The following OGFR variants were observed in gnomAD, a reference collection of about 807,000 sequenced individuals.
OGFR encodes the protein protein 7-60.
In OGFR, 18 loss-of-function variants were observed where a neutral mutation model predicts 33.6. The ratio of observed to expected loss-of-function variants is 0.54; its 90% CI spans 0.37 to 0.80. OGFR has a LOEUF of 0.80. Ranked by LOEUF, OGFR falls within the 30% of genes least tolerant of loss-of-function variation. OGFR has a pLI of 0.00. For missense variants in OGFR, 877 were observed against 955.8 expected (o/e 0.92, Z 1.09); for synonymous variants, 370 against 400.7 (o/e 0.92, Z 0.91).
rs1990790953 is a variant in OGFR at position 62,813,358 on chromosome 20, C to T, written c.1743C>T (p.Thr581=). ...AGCCAGCCGAGAGCCCATCGGAGAC[C>T]CCAGGCCCCAGCCCGGCAGGACCTA... ...GDEPAESPSE[T]PGPSPAGPTR... Residue 581 remains threonine (T), a synonymous_variant, in exon 7 of 7, where the codon ACC becomes ACT. Coordinates refer to ENST00000290291, the MANE Select transcript of OGFR (RefSeq NM_007346.4). The T allele has an allele frequency of 6.5e-7, 1 of 1,545,734 alleles. No individual in the cohort carries two copies. The highest frequency in any genetic ancestry group is 8.6e-7 in the Non-Finnish European group (1 of 1,157,994).
Position 62,811,626 on chromosome 20 carries a change from T to TTGCCCCCCC in OGFR, c.614+16_614+17insTGCCCCCCC. On this transcript the variant is annotated intron_variant, in intron 6 of 6. Transcript: ENST00000290291. ...ACCTGAACTGGTGAGGCCCGGCTGC[T>TTGCCCCCCC]CCCGCCCACCCCCACCCCGGCGCAG... 3 of 1,502,516 alleles carry TTGCCCCCCC rather than the reference T, an allele frequency of 2.0e-6. No homozygotes were observed. The highest frequency in any genetic ancestry group is 2.5e-5 in the East Asian group (1 of 39,732). The allele number at this position is 1,502,516 out of a possible 1,614,324, so 93.1% of individuals were successfully genotyped here.
intron 1 of OGFR, 126 bp downstream of exon 1, chr20:62,805,156 G>A: frequency 2.9e-6 from 2 of 691,658 alleles, no homozygotes; most frequent in Non-Finnish European, 4.0e-6. Flanking sequence ...CAGCCCCGGG[G>A]ACCCCCCCCC....
At chr20:62,809,777 C>T in intron 4 of OGFR, 114 bp downstream of exon 4, 2 of 817,514 alleles carry the variant, frequency 2.4e-6, no homozygotes, top group Non-Finnish European at 2.1e-6. Context: ...ACTCCCTGCC[C>T]TTCCTGGAAG....
chr20:62,812,815 CCCTCAGAGTG>C lies in OGFR; in HGVS notation c.1209_1218del (p.Ser403ArgfsTer7), dbSNP rs1316692525. 4.3e-6 allele frequency: 7 copies of C among 1,612,698 alleles called. No individual in the cohort carries two copies. Among genetic ancestry groups the C allele is most frequent in the Non-Finnish European group, 5.9e-6 (7 of 1,179,898 alleles). ...GGGAGCAGCCGCCCACAGAGCCAGG[CCCTCAGAGTG>C]CCTCAGAGGTGGAGAAGATCGCTCT... On this transcript the variant is annotated frameshift_variant, in exon 7 of 7. Coordinates refer to ENST00000290291, the MANE Select transcript of OGFR (RefSeq NM_007346.4). LOFTEE classifies it low-confidence loss of function (END_TRUNC).
chr20:62,808,010 G>A, intron 2 of OGFR: 1 of 613,688 alleles, frequency 1.6e-6, no homozygotes. Flanking sequence ...AGGGTGCTGA[G>A]GAGGGGACCT....
At position 62,812,511 on chromosome 20, in the gene OGFR, C is replaced by G; in HGVS notation, c.896C>G (p.Ser299Cys). 1 of 1,585,272 alleles carries G rather than the reference C, an allele frequency of 6.3e-7. No homozygotes were observed. Residue 299 changes from serine (S) to cysteine (C), a missense_variant, in exon 7 of 7, where the codon TCT becomes TGT. By Grantham distance (112) the Ser-to-Cys change is moderately radical. This residue lies in a region of OGFR where 760 missense variants were observed against 736.0 expected (regional missense o/e 1.03). Transcript: ENST00000290291. Reference sequence around the variant, plus strand: ...AAGCTGCGGAGGTTCAAGCCCAGCTCTCTGCCCCATCCGCTCGAGGGCTCC... The same window carrying G: ...AAGCTGCGGAGGTTCAAGCCCAGCTGTCTGCCCCATCCGCTCGAGGGCTCC... ...QDKLRRFKPS[S>C]LPHPLEGSRK... is the part of the protein sequence containing the mutation.
intron 5 of OGFR, among the ~76,000 whole-genome samples, chr20:62,810,778 G>A (rs1020756473): frequency 3.3e-5 from 5 of 152,254 alleles, no homozygotes; most frequent in East Asian, 1.9e-4. Flanking sequence ...CTCAATTTCC[G>A]AGGCTGTTTG....
chr20:62,812,449 C>A lies in OGFR; in HGVS notation c.834C>A (p.Phe278Leu). The A allele has an allele frequency of 6.3e-7, 1 of 1,580,294 alleles. No homozygotes were observed. Residue 278 changes from phenylalanine to leucine, a missense_variant, in exon 7 of 7, where the codon TTC (phenylalanine) becomes TTA (leucine). This residue lies in a region of OGFR where 760 missense variants were observed against 736.0 expected (regional missense o/e 1.03). Transcript: ENST00000290291. Reference sequence around the variant, plus strand: ...TGGTGCACTTCGCCTGGGAGCACTTCCGGCCCCGCTGCAAGTTCGTCTGGG... The same window carrying A: ...TGGTGCACTTCGCCTGGGAGCACTTACGGCCCCGCTGCAAGTTCGTCTGGG... ...RQLVHFAWEH[F>L]RPRCKFVWGP...
chr20:62,810,674 A>AG lies in OGFR; in HGVS notation c.465+113dup, dbSNP rs1491541954. The AG allele has an allele frequency of 1.2e-5, 12 of 1,016,386 alleles. No individual in the cohort carries two copies. The Admixed American group carries it at 2.3e-4, about 20-fold the overall frequency. 63.0% of individuals were successfully genotyped at this position (1,016,386 alleles called of 1,614,324 possible). A position where few individuals can be genotyped will look rare whatever the true frequency, so the allele number is the denominator to read the frequency against. On this transcript the variant is annotated intron_variant, in intron 5 of 6. Transcript: ENST00000290291. ...GGCAGTAGGCATTTGGTGCCCCCTC[A>AG]GGGGTCCCTTGGAAGGCAGAAGGGC...
chr20:62,806,358 C>G (rs1473818363), intron 1 of OGFR: 2 of 152,212 alleles, frequency 1.3e-5, no homozygotes, highest in Non-Finnish European at 2.9e-5. Context: ...GCCTGGCCAA[C>G]ATGGTGAAAC....
chr20:62,804,957 C>A lies in OGFR; in HGVS notation c.98C>A (p.Ala33Glu). 6.7e-7 allele frequency: 1 copy of A among 1,490,548 alleles called. No individual in the cohort carries two copies. The highest frequency in any genetic ancestry group is 8.9e-7 in the Non-Finnish European group (1 of 1,120,682). The allele number at this position is 1,490,548 out of a possible 1,614,324, so 92.3% of individuals were successfully genotyped here. ...EDCEDGEAAG[A>E]RDADAGDEDE... The stretch of plus-strand genomic sequence containing the variant: ...TGCGAGGACGGCGAGGCCGCCGGCG[C>A]GAGGGACGCGGACGCAGGGGACGAG... The change falls in exon 1 of 7, where the codon GCG becomes GAG. Residue 33 changes from alanine to glutamate, a missense_variant. Around this residue, in one of 3 missense-constraint regions of OGFR, gnomAD observed 760 missense variants for 736.0 expected, o/e 1.03. Transcript: ENST00000290291.
chr20:62,813,062 G>A lies in OGFR; in HGVS notation c.1447G>A (p.Gly483Arg), dbSNP rs375174582. 78 of 1,582,302 alleles carry A rather than the reference G, an allele frequency of 4.9e-5. No homozygotes were observed. The highest frequency in any genetic ancestry group is 5.5e-5 in the Non-Finnish European group (64 of 1,164,246). Reference sequence around the variant, plus strand: ...TGGTGCCCAGACCTTGGCCCTTGCCGGGTCCCCTGCCCCATCGGGGCACCC... The same window carrying A: ...TGGTGCCCAGACCTTGGCCCTTGCCAGGTCCCCTGCCCCATCGGGGCACCC... ...SGGAQTLALA[G>R]SPAPSGHPKA... The change falls in exon 7 of 7, where the codon GGG becomes AGG. Residue 483 changes from glycine to arginine, a missense_variant. Gly to Arg is a moderately radical substitution (Grantham distance 125, BLOSUM62 -2). Transcript: ENST00000290291.
chr20:62,807,916 C>T, intron 2 of OGFR: 2 of 599,002 alleles, frequency 3.3e-6, no homozygotes, highest in South Asian at 2.0e-5. Context: ...GCACCCCACC[C>T]CCATGCCAGC....
At position 62,812,316 on chromosome 20, in the gene OGFR, G is replaced by T. The variant is rs373512647; in HGVS notation, c.701G>T (p.Arg234Leu). 1 of 1,558,742 alleles carries T rather than the reference G, an allele frequency of 6.4e-7. No individual in the cohort carries two copies. Among genetic ancestry groups the T allele is most frequent in the Non-Finnish European group, 8.7e-7 (1 of 1,151,762 alleles). The change falls in exon 7 of 7, where the codon CGC becomes CTC. Residue 234 changes from arginine to leucine, a missense_variant. By Grantham distance (102) the Arg-to-Leu change is moderately radical. Transcript: ENST00000290291. ...GLEHFQAPLV[R>L]FFLEETLVRR... ...GAGCACTTCCAGGCGCCGCTGGTCC[G>T]CTTCTTCCTGGAGGAGACGCTGGTG...
chr20:62,808,601 ACTC>A (rs903551386), intron 3 of OGFR, among the ~76,000 whole-genome samples: 2 of 152,024 alleles, frequency 1.3e-5, no homozygotes, highest in African/African-American at 4.8e-5. Context: ...AAACTACTGA[ACTC>A]CTGCACGACC....
chr20:62,807,553 C>T lies in OGFR; in HGVS notation c.188C>T (p.Ser63Phe), dbSNP rs1482936444. The change falls in exon 2 of 7, where the codon TCC (serine) becomes TTC (phenylalanine). Residue 63 changes from serine (S) to phenylalanine (F), a missense_variant. By Grantham distance (155) the Ser-to-Phe change is radical. Transcript: ENST00000290291. The part of the protein sequence containing the change: ...PSSFQSRMTG[S>F]RNWRATRDMC... ...TCTTCCCAGTCCAGAATGACAGGGT[C>T]CAGAAACTGGCGAGCCACGAGGGAC... 2 of 1,612,754 alleles carry T rather than the reference C, an allele frequency of 1.2e-6. No individual in the cohort carries two copies. The highest frequency in any genetic ancestry group is 1.7e-5 in the Admixed American group (1 of 59,970).
chr20:62,812,194 C>T (rs1181245782), intron 6 of OGFR, 36 bp from the exon 7 acceptor site: 5 of 1,451,372 alleles, frequency 3.4e-6, no homozygotes, highest in African/African-American at 2.9e-5. Flanking sequence ...GGAGGGGCCC[C>T]AGCCATTGAC....
At chr20:62,808,974 C>CAAAAAAAAAAAA (rs5842400) in intron 3 of OGFR, among the ~76,000 whole-genome samples, 1 of 68,412 alleles carries the variant, frequency 1.5e-5, no homozygotes, top group African/African-American at 5.5e-5. Context: ...GACTCTGTCT[C>CAAAAAAAAAAAA]AAAAAAAAAA....
intron 4 of OGFR, among the ~76,000 whole-genome samples, chr20:62,810,055 G>A (rs1052352413): frequency 3.3e-5 from 5 of 151,470 alleles, no homozygotes; most frequent in African/African-American, 1.2e-4. Flanking sequence ...TGAGACTTGT[G>A]GCAGGCGTCT....
Sources: gnomAD v4.1 joint callset for allele counts (sites outside exome capture counted in the v4.1 genomes callset) on GRCh38, gnomAD v4.1.1 for gene constraint, gnomAD v4.1.1 regional missense constraint, MANE v1.5 for transcripts, NCBI Gene and HGNC (gene_info 2026-07-23, HGNC 2026-07-21) for gene names.